The following LRRC4C variants were observed in gnomAD, a reference collection of about 807,000 sequenced individuals.
LRRC4C encodes the protein leucine rich repeat containing 4C.
LRRC4C carries 5 observed loss-of-function variants against 33.6 expected under a neutral mutation model. That is an observed-to-expected ratio of 0.15 (90% confidence interval 0.08 to 0.31). LRRC4C has a LOEUF of 0.31. Among genes scored for constraint, LRRC4C ranks in the 10% least tolerant of loss-of-function variants. The probability of loss-of-function intolerance (pLI) is 1.00; values close to 1 mark genes in which losing one functional copy is unlikely to be tolerated. For missense variants in LRRC4C, 560 were observed against 796.7 expected, an observed-to-expected ratio of 0.70 and a Z score of 3.58; for synonymous variants, 329 against 302.0, an observed-to-expected ratio of 1.09 and a Z score of -0.93.
intron 5 of LRRC4C, among the ~76,000 whole-genome samples, chr11:40,197,083 C>A (rs1172692486): frequency 6.6e-6 from 1 of 152,154 alleles, no homozygotes; most frequent in Non-Finnish European, 1.5e-5. Context: ...TAATCCAGAA[C>A]CCGATACTCT....
intron 6 of LRRC4C, among the ~76,000 whole-genome samples, chr11:40,133,160 C>T (rs1431417998): frequency 6.6e-6 from 1 of 152,070 alleles, no homozygotes; most frequent in Non-Finnish European, 1.5e-5. Flanking sequence ...TAGTCATTAA[C>T]CCCCAACTTC....
intron 1 of LRRC4C, among the ~76,000 whole-genome samples, chr11:41,395,427 A>T (rs187559143): frequency 6.6e-6 from 1 of 152,014 alleles, no homozygotes; most frequent in Non-Finnish European, 1.5e-5. Flanking sequence ...CCAGCTATTA[A>T]ATAGCAGCTG....
intron 1 of LRRC4C, among the ~76,000 whole-genome samples, chr11:41,241,256 C>A (rs1948238245): frequency 6.6e-6 from 1 of 152,064 alleles, no homozygotes; most frequent in Non-Finnish European, 1.5e-5. Context: ...ATAAATGATT[C>A]TTTGGGACCT....
In LRRC4C at chr11:40,137,210, T is replaced by A. The variant is rs111591760; in HGVS notation, c.-43+3591A>T. Reference sequence around the variant, plus strand: ...TGTGTGTATGTGAGAATAGGAACTATCACTTTTACCAGTAATCTTGTCCTA... The same window carrying A: ...TGTGTGTATGTGAGAATAGGAACTAACACTTTTACCAGTAATCTTGTCCTA... On this transcript the variant is annotated intron_variant, in intron 6 of 6. Transcript: ENST00000528697. Among the ~76,000 whole-genome samples the A allele has an allele frequency of 3.1e-3, 475 of 152,152 alleles. 6 individuals carry two copies. The highest frequency in any genetic ancestry group is 0.011 in the African/African-American group (457 of 41,526).
At chr11:41,221,378 T>C (rs917815887) in intron 1 of LRRC4C, among the ~76,000 whole-genome samples, 1 of 151,834 alleles carries the variant, frequency 6.6e-6, no homozygotes, top group Non-Finnish European at 1.5e-5. Context: ...TCAGAATGGC[T>C]ATTATTACAA....
At chr11:41,262,616 T>C (rs933055733) in intron 1 of LRRC4C, among the ~76,000 whole-genome samples, 3 of 152,138 alleles carry the variant, frequency 2.0e-5, no homozygotes, top group Non-Finnish European at 2.9e-5. Flanking sequence ...AGAAAACATC[T>C]ACTCTGTGCT....
At chr11:41,400,202 T>C (rs1198889423) in intron 1 of LRRC4C, among the ~76,000 whole-genome samples, 1 of 151,940 alleles carries the variant, frequency 6.6e-6, no homozygotes, top group Non-Finnish European at 1.5e-5. Context: ...TTAGTTTTAG[T>C]AAGAGTAAAA....
intron 1 of LRRC4C, among the ~76,000 whole-genome samples, chr11:41,022,145 TA>T (rs200641296): frequency 0.017 from 2,065 of 121,268 alleles, 51 homozygotes; most frequent in African/African-American, 0.062. Flanking sequence ...TTTTGTTTTA[TA>T]TATATATATA....
intron 4 of LRRC4C, among the ~76,000 whole-genome samples, chr11:40,312,862 G>T (rs1274768302): frequency 1.3e-4 from 20 of 151,140 alleles, no homozygotes; most frequent in Non-Finnish European, 1.3e-4. Context: ...TTGGACAGCA[G>T]TTACATGAAG....
At chr11:40,844,050 C>A (rs1464748421) in intron 2 of LRRC4C, among the ~76,000 whole-genome samples, 1 of 152,016 alleles carries the variant, frequency 6.6e-6, no homozygotes, top group Non-Finnish European at 1.5e-5. Flanking sequence ...ATTTTTGATT[C>A]TATGAGCAGG....
At chr11:41,265,431 G>A (rs1949118230) in intron 1 of LRRC4C, among the ~76,000 whole-genome samples, 1 of 152,108 alleles carries the variant, frequency 6.6e-6, no homozygotes, top group Non-Finnish European at 1.5e-5. Flanking sequence ...CTAAAATTAA[G>A]AATAGGGGAC....
At chr11:41,249,297 G>A (rs866331051) in intron 1 of LRRC4C, among the ~76,000 whole-genome samples, 3 of 152,084 alleles carry the variant, frequency 2.0e-5, no homozygotes, top group Admixed American at 6.6e-5. Flanking sequence ...GCCTCCCAAA[G>A]TGCTGGGATT....
intron 1 of LRRC4C, among the ~76,000 whole-genome samples, chr11:41,002,567 G>A (rs906016991): frequency 2.6e-5 from 4 of 152,164 alleles, no homozygotes; most frequent in African/African-American, 9.7e-5. Context: ...ATGGTAGGTA[G>A]TGAGAAAGAG....
intron 1 of LRRC4C, among the ~76,000 whole-genome samples, chr11:41,298,754 A>C (rs1950209236): frequency 1.3e-5 from 2 of 152,166 alleles, no homozygotes; most frequent in African/African-American, 4.8e-5. Flanking sequence ...AATAGTGTAC[A>C]TTGTACCCAT....
chr11:40,389,781 G>C (rs1471781309), intron 3 of LRRC4C, among the ~76,000 whole-genome samples: 1 of 152,080 alleles, frequency 6.6e-6, no homozygotes, highest in Non-Finnish European at 1.5e-5. Flanking sequence ...CCTACCTCCT[G>C]GTACATAAGC....
At chr11:40,533,021 C>A (rs995982921) in intron 3 of LRRC4C, among the ~76,000 whole-genome samples, 1 of 151,992 alleles carries the variant, frequency 6.6e-6, no homozygotes, top group Non-Finnish European at 1.5e-5. Context: ...AACAGCAAAC[C>A]AACCCCCTGA....
At chr11:40,651,406 T>A (rs1046470825) in intron 2 of LRRC4C, among the ~76,000 whole-genome samples, 1 of 152,020 alleles carries the variant, frequency 6.6e-6, no homozygotes, top group Admixed American at 6.6e-5. Flanking sequence ...CTGAATTACA[T>A]GGGAGAATGA....
chr11:41,328,159 C>A (rs77004285), intron 1 of LRRC4C, among the ~76,000 whole-genome samples: 1 of 152,084 alleles, frequency 6.6e-6, no homozygotes, highest in African/African-American at 2.4e-5. Context: ...TTGATATTAT[C>A]TTTCCTGTGG....
At chr11:40,124,509 A>G (rs1466286757) in intron 6 of LRRC4C, among the ~76,000 whole-genome samples, 1 of 152,186 alleles carries the variant, frequency 6.6e-6, no homozygotes, top group Non-Finnish European at 1.5e-5. Flanking sequence ...TTGCAACAAC[A>G]TGGATGGAGC....
Sources: gnomAD v4.1 joint callset for allele counts (sites outside exome capture counted in the v4.1 genomes callset) on GRCh38, gnomAD v4.1.1 for gene constraint, MANE v1.5 for transcripts, NCBI Gene and HGNC (gene_info 2026-07-23, HGNC 2026-07-21) for gene names.